The following TACR3 variants were observed in gnomAD, a reference collection of about 807,000 sequenced individuals.
The protein encoded by TACR3 is tachykinin receptor 3, also known as neuromedin-K receptor.
A neutral mutation model predicts 35.0 loss-of-function variants in TACR3; 34 were observed. That is an observed-to-expected ratio of 0.97 (90% CI 0.74 to 1.30). TACR3 has a LOEUF of 1.30. Ranked by LOEUF, TACR3 falls within the 50% of genes most tolerant of loss-of-function variation. The pLI is 0.00. For missense variants in TACR3, 558 were observed against 591.7 expected, an observed-to-expected ratio of 0.94 and a Z score of 0.59; for synonymous variants, 233 against 221.1, an observed-to-expected ratio of 1.05 and a Z score of -0.48.
intron 3 of TACR3, among the ~76,000 whole-genome samples, chr4:103,637,746 G>A (rs1389967845): frequency 1.3e-5 from 2 of 152,064 alleles, no homozygotes; most frequent in Non-Finnish European, 2.9e-5. Context: ...GCAGTCTCAG[G>A]ATACAAAATC....
At position 103,658,338 on chromosome 4, in the gene TACR3, C is replaced by T. The variant is rs1353512116; in HGVS notation, c.614G>A (p.Gly205Glu). 1 of 1,613,860 alleles carries T rather than the reference C, an allele frequency of 6.2e-7. No individual in the cohort carries two copies. Among genetic ancestry groups the T allele is most frequent in the Non-Finnish European group, 8.5e-7 (1 of 1,179,922 alleles). The change falls in exon 2 of 5, where the codon GGA becomes GAA. Residue 205 changes from glycine (G) to glutamate (E), a missense_variant. Transcript: ENST00000304883. ...LSATATKIVI[G>E]SIWILAFLLA... ...TAGAAATGCTAGAATCCAAATACTT[C>T]CAATGACAATCTTGGTTGCTGTAGC...
chr4:103,651,685 G>A (rs1725621661), intron 3 of TACR3, among the ~76,000 whole-genome samples: 1 of 151,864 alleles, frequency 6.6e-6, no homozygotes, highest in Admixed American at 6.6e-5. Context: ...CCCCACAGCT[G>A]GGAATGTGCT....
chr4:103,596,479 G>T (rs1478996433), intron 3 of TACR3, among the ~76,000 whole-genome samples: 1 of 151,860 alleles, frequency 6.6e-6, no homozygotes, highest in African/African-American at 2.4e-5. Context: ...TGTGGTTTTG[G>T]TTTGCATTTG....
chr4:103,686,106 T>C (rs1722228885), intron 1 of TACR3, among the ~76,000 whole-genome samples: 1 of 152,306 alleles, frequency 6.6e-6, no homozygotes, highest in South Asian at 2.1e-4. Flanking sequence ...AACAGGATGA[T>C]TCAGGGGAAG....
intron 3 of TACR3, among the ~76,000 whole-genome samples, chr4:103,592,064 C>A (rs1480187269): frequency 1.3e-5 from 2 of 152,136 alleles, no homozygotes; most frequent in Admixed American, 6.6e-5. Context: ...TCCAGGAAAT[C>A]AACTGTTAAG....
chr4:103,610,786 T>C (rs1724495731), intron 3 of TACR3, among the ~76,000 whole-genome samples: 1 of 152,176 alleles, frequency 6.6e-6, no homozygotes, highest in South Asian at 2.1e-4. Flanking sequence ...CTTTAATCCA[T>C]TTTGAGTTGA....
At chr4:103,641,595 G>C (rs377158796) in intron 3 of TACR3, among the ~76,000 whole-genome samples, 1 of 151,828 alleles carries the variant, frequency 6.6e-6, no homozygotes. Context: ...AATTAAACAA[G>C]TATTATCTGA....
At chr4:103,646,169 G>C (rs542775923) in intron 3 of TACR3, among the ~76,000 whole-genome samples, 16 of 151,984 alleles carry the variant, frequency 1.1e-4, no homozygotes, top group Non-Finnish European at 2.1e-4. Flanking sequence ...CCTTCCTCCA[G>C]GTGGAGATAA....
chr4:103,686,187 A>C (rs1031380392), intron 1 of TACR3, among the ~76,000 whole-genome samples: 4 of 152,200 alleles, frequency 2.6e-5, no homozygotes, highest in Non-Finnish European at 5.9e-5. Context: ...GGGCTGTGCC[A>C]CTTAGAAAAG....
intron 3 of TACR3, among the ~76,000 whole-genome samples, chr4:103,631,232 C>G (rs563024173): frequency 6.6e-6 from 1 of 151,930 alleles, no homozygotes; most frequent in Admixed American, 6.6e-5. Context: ...ATGTAAATGA[C>G]GAGTTGATGA....
At chr4:103,717,051 T>C (rs1262739543) in intron 1 of TACR3, among the ~76,000 whole-genome samples, 1 of 152,176 alleles carries the variant, frequency 6.6e-6, no homozygotes, top group Admixed American at 6.5e-5. Context: ...CTTTAACCTA[T>C]AAAATGACTG....
chr4:103,591,435 C>T, intron 4 of TACR3, 52 bp downstream of exon 4: 2 of 1,591,538 alleles, frequency 1.3e-6, no homozygotes, highest in Non-Finnish European at 1.7e-6. Context: ...TTGTATGTTT[C>T]CAGTGAAGGT....
At chr4:103,668,848 C>CAAAA (rs565931739) in intron 1 of TACR3, among the ~76,000 whole-genome samples, 2 of 107,846 alleles carry the variant, frequency 1.9e-5, no homozygotes, top group African/African-American at 3.0e-5. Context: ...GACTCTGTCT[C>CAAAA]AAAAAAAAAA....
chr4:103,680,688 G>A (rs1722043000), intron 1 of TACR3, among the ~76,000 whole-genome samples: 1 of 151,436 alleles, frequency 6.6e-6, no homozygotes, highest in African/African-American at 2.4e-5. Context: ...ACTTTTTCAG[G>A]TCTCATCATC....
chr4:103,591,172 C>T, intron 4 of TACR3: 2 of 378,852 alleles, frequency 5.3e-6, no homozygotes, highest in Non-Finnish European at 9.8e-6. Context: ...TTCAATTCTC[C>T]TTTAATCATG....
chr4:103,665,962 T>C lies in TACR3; in HGVS notation c.549-7559A>G, dbSNP rs1316807824. Among the ~76,000 whole-genome samples the C allele has an allele frequency of 3.3e-5, 5 of 152,326 alleles. No homozygotes were observed. The East Asian group carries it at 9.6e-4, about 29-fold the overall frequency. On this transcript the variant is annotated intron_variant, in intron 1 of 4. Transcript: ENST00000304883. ...CTGCCATTCTTTGTCCTGATGTTTG[T>C]CCTTGAGTTTGTTCTTTTTGTAATG... is the stretch of plus-strand genomic sequence containing the variant.
In TACR3 at chr4:103,658,244, T is replaced by C. The variant is rs867384563; in HGVS notation, c.708A>G (p.Gln236=). ...AATGTTGTTTGGGACCTTCTGGCCA[T>C]TGCACAAAGCAGAGAGTACGGCCTG... The part of the protein sequence containing the change: ...VMPGRTLCFV[Q]WPEGPKQHFT... The change falls in exon 2 of 5, where the codon CAA becomes CAG. Residue 236 remains glutamine (Q), a synonymous_variant. Coordinates refer to ENST00000304883, the MANE Select transcript of TACR3 (RefSeq NM_001059.3). 6.2e-6 allele frequency: 10 copies of C among 1,613,812 alleles called. No homozygotes were observed. The highest frequency in any genetic ancestry group is 7.6e-6 in the Non-Finnish European group (9 of 1,179,912).
chr4:103,652,538 A>C (rs1272938774), intron 3 of TACR3, among the ~76,000 whole-genome samples: 1 of 152,094 alleles, frequency 6.6e-6, no homozygotes, highest in African/African-American at 2.4e-5. Flanking sequence ...ATCAGATACC[A>C]TGAGAGCTCT....
intron 1 of TACR3, among the ~76,000 whole-genome samples, chr4:103,708,316 C>G (rs56236570): frequency 6.6e-6 from 1 of 152,126 alleles, no homozygotes; most frequent in African/African-American, 2.4e-5. Context: ...TCCAGAGGAA[C>G]GATCATTCCA....
Sources: gnomAD v4.1 joint callset for allele counts (sites outside exome capture counted in the v4.1 genomes callset) on GRCh38, gnomAD v4.1.1 for gene constraint, MANE v1.5 for transcripts, NCBI Gene and HGNC (gene_info 2026-07-23, HGNC 2026-07-21) for gene names.